Variants in ITGA9 observed in about 807,000 individuals in gnomAD.
The protein encoded by ITGA9 is integrin alpha-9.
In ITGA9, 56 loss-of-function variants were observed where a neutral mutation model predicts 127.8. The observed-to-expected ratio is 0.44, with a 90% confidence interval of 0.35 to 0.55. The LOEUF is 0.55. Ranked by LOEUF, ITGA9 falls within the 20% of genes least tolerant of loss-of-function variation. The pLI is 0.00. For synonymous variants in ITGA9, 508 were observed against 514.5 expected, an observed-to-expected ratio of 0.99 and a Z score of 0.17; for missense variants, 1,196 against 1,347.1, an observed-to-expected ratio of 0.89 and a Z score of 1.76.
chr3:37,492,372 C>T (rs1698682272), intron 4 of ITGA9, among the ~76,000 whole-genome samples: 2 of 152,242 alleles, frequency 1.3e-5, no homozygotes, highest in Admixed American at 6.5e-5. Context: ...AAGGCGGAGG[C>T]TGGCCTGAAA....
intron 21 of ITGA9, among the ~76,000 whole-genome samples, chr3:37,742,901 A>G (rs1014989059): frequency 2.6e-5 from 4 of 152,174 alleles, no homozygotes; most frequent in African/African-American, 9.7e-5. Context: ...TCACAGCTCT[A>G]TTTTTAACTG....
intron 9 of ITGA9, among the ~76,000 whole-genome samples, chr3:37,516,514 A>G (rs1698985078): frequency 6.6e-6 from 1 of 152,194 alleles, no homozygotes; most frequent in African/African-American, 2.4e-5. Flanking sequence ...ACATAGGAGC[A>G]ATCAGTTGCT....
intron 27 of ITGA9, among the ~76,000 whole-genome samples, chr3:37,810,819 C>T (rs1035056426): frequency 9.2e-5 from 14 of 152,238 alleles, no homozygotes; most frequent in African/African-American, 1.4e-4. Context: ...AGCCCCTGGC[C>T]CCACCTACGC....
chr3:37,733,070 A>T (rs749935095), intron 19 of ITGA9: 3 of 462,592 alleles, frequency 6.5e-6, no homozygotes, highest in South Asian at 4.2e-5. Flanking sequence ...TCTGCACTTT[A>T]GCACGTGCCA....
At position 37,684,053 on chromosome 3, in the gene ITGA9, A is replaced by C. The variant is rs200540601; in HGVS notation, c.2067+38A>C. On this transcript the variant is annotated intron_variant, in intron 18 of 27. Transcript: ENST00000264741. The stretch of plus-strand genomic sequence containing the variant: ...TCCCTGTAAAAAGAGCAGTTGTTCC[A>C]TCTGGTGCGCTTGCTGACTTTCATT... 1.8e-4 allele frequency: 290 copies of C among 1,582,618 alleles called. No homozygotes were observed. The Middle Eastern group carries it at 2.5e-3, about 14-fold the overall frequency.
chr3:37,789,152 A>C (rs962292224), intron 26 of ITGA9, among the ~76,000 whole-genome samples: 28 of 152,206 alleles, frequency 1.8e-4, no homozygotes, highest in African/African-American at 6.5e-4. Flanking sequence ...CCCTAACAAG[A>C]AAATGTCAGC....
chr3:37,759,470 A>C (rs1044367542), intron 23 of ITGA9, among the ~76,000 whole-genome samples: 1 of 152,236 alleles, frequency 6.6e-6, no homozygotes, highest in Non-Finnish European at 1.5e-5. Context: ...AGTTTAAATA[A>C]AGTATGACAG....
intron 16 of ITGA9, among the ~76,000 whole-genome samples, chr3:37,636,576 G>A (rs953856034): frequency 4.6e-5 from 7 of 152,224 alleles, no homozygotes; most frequent in Admixed American, 2.0e-4. Flanking sequence ...CTCCCATTCT[G>A]TAGGTTGCCT....
At chr3:37,739,522 T>C (rs1696405998) in intron 20 of ITGA9, among the ~76,000 whole-genome samples, 1 of 152,214 alleles carries the variant, frequency 6.6e-6, no homozygotes, top group Non-Finnish European at 1.5e-5. Flanking sequence ...CTTTCTTCCA[T>C]CACCACCCTT....
intron 4 of ITGA9, among the ~76,000 whole-genome samples, chr3:37,485,429 A>G (rs1287813587): frequency 6.6e-6 from 1 of 151,536 alleles, no homozygotes; most frequent in African/African-American, 2.4e-5. Context: ...CTGCCCCTTT[A>G]GCCTCAGGCC....
At chr3:37,538,399 G>A (rs916971936) in intron 14 of ITGA9, among the ~76,000 whole-genome samples, 6 of 152,238 alleles carry the variant, frequency 3.9e-5, no homozygotes, top group Admixed American at 3.3e-4. Flanking sequence ...ACTCGGGGCT[G>A]ATCAGCTTTT....
At chr3:37,497,690 C>T (rs961583760) in intron 5 of ITGA9, among the ~76,000 whole-genome samples, 25 of 152,190 alleles carry the variant, frequency 1.6e-4, no homozygotes, top group Admixed American at 2.0e-4. Flanking sequence ...TGCCGTGTGG[C>T]GACTTCACTC....
Position 37,629,613 on chromosome 3 carries a change from G to C in ITGA9, c.1839+277G>C, listed in dbSNP as rs1027346218. 7 of 606,674 alleles carry C rather than the reference G, an allele frequency of 1.2e-5. No individual in the cohort carries two copies. The highest frequency in any genetic ancestry group is 2.0e-5 in the Non-Finnish European group (7 of 342,220). 37.6% of individuals were successfully genotyped at this position (606,674 alleles called of 1,614,324 possible). A position where few individuals can be genotyped will look rare whatever the true frequency, so the allele number is the denominator to read the frequency against. On this transcript the variant is annotated intron_variant, in intron 16 of 27. Transcript: ENST00000264741. This position sits in a 1 kb window ranked among gnomAD's most constrained non-coding sequence, Gnocchi z 4.5. Reference sequence around the variant, plus strand: ...GAGTTCGTGAACTGGCTGGCCACTTGGTCCCTGAACTTGCCTCTGTTCCTA... The same window carrying C: ...GAGTTCGTGAACTGGCTGGCCACTTCGTCCCTGAACTTGCCTCTGTTCCTA...
Position 37,729,203 on chromosome 3 carries a change from G to A in ITGA9, c.2068-3509G>A, listed in dbSNP as rs144548807. On this transcript the variant is annotated intron_variant, in intron 18 of 27. Transcript: ENST00000264741. Reference sequence around the variant, plus strand: ...CTGGGCCTCCTTGGAAATCACAGTAGTAGAAGAGAGGGGTATAGAATTAAA... The same window carrying A: ...CTGGGCCTCCTTGGAAATCACAGTAATAGAAGAGAGGGGTATAGAATTAAA... 1.4e-3 allele frequency among the ~76,000 whole-genome samples: 206 copies of A among 152,256 alleles called. 1 individual carries two copies. The Middle Eastern group carries it at 0.041, about 30-fold the overall frequency.
chr3:37,714,127 G>T (rs1701107812), intron 18 of ITGA9, among the ~76,000 whole-genome samples: 1 of 152,222 alleles, frequency 6.6e-6, no homozygotes, highest in African/African-American at 2.4e-5. Context: ...CCCAGTTTCA[G>T]CCACTTAATA....
chr3:37,731,383 C>T (rs1354766476), intron 18 of ITGA9, among the ~76,000 whole-genome samples: 1 of 152,132 alleles, frequency 6.6e-6, no homozygotes, highest in Non-Finnish European at 1.5e-5. Context: ...GATCCTGGGT[C>T]TCTGTGTGAA....
At chr3:37,595,866 C>T (rs2125617775) in intron 15 of ITGA9, among the ~76,000 whole-genome samples, 1 of 152,292 alleles carries the variant, frequency 6.6e-6, no homozygotes, top group East Asian at 1.9e-4. Flanking sequence ...GTGCCTAGGC[C>T]CGAGAGGCCA....
intron 17 of ITGA9, among the ~76,000 whole-genome samples, chr3:37,655,622 AT>A (rs777156915): frequency 6.6e-6 from 1 of 151,714 alleles, no homozygotes; most frequent in Non-Finnish European, 1.5e-5. Flanking sequence ...GATTGCAAAA[AT>A]TTTCTCCCAT....
chr3:37,601,463 A>C (rs1481154936), intron 15 of ITGA9, among the ~76,000 whole-genome samples: 1 of 152,216 alleles, frequency 6.6e-6, no homozygotes, highest in African/African-American at 2.4e-5. Flanking sequence ...GGGAAAATGG[A>C]GATGGGGTAT....
Sources: allele counts gnomAD v4.1 joint callset (sites outside exome capture counted in the v4.1 genomes callset), GRCh38; gene constraint gnomAD v4.1.1; non-coding constraint Gnocchi (gnomAD v3.1); transcripts MANE v1.5; gene names NCBI Gene and HGNC (gene_info 2026-07-23, HGNC 2026-07-21).